Variants in EPHA5 observed in about 807,000 individuals in gnomAD.
EPHA5 encodes the protein ephrin type-A receptor 5.
In EPHA5, 60 loss-of-function variants were observed where a neutral mutation model predicts 105.0. The ratio of observed to expected loss-of-function variants is 0.57; its 90% confidence interval spans 0.46 to 0.71. The LOEUF is 0.71. EPHA5 is among the 30% of genes least tolerant of loss of function. The probability of loss-of-function intolerance (pLI) is 0.00; values close to 1 mark genes in which losing one functional copy is unlikely to be tolerated. For missense variants in EPHA5, 1,218 were observed against 1,274.7 expected (o/e 0.96, Z 0.68); for synonymous variants, 513 against 449.1 (o/e 1.14, Z -1.80).
intron 8 of EPHA5, among the ~76,000 whole-genome samples, chr4:65,390,062 T>G (rs1282412355): frequency 6.6e-6 from 1 of 152,052 alleles, no homozygotes; most frequent in East Asian, 1.9e-4. Flanking sequence ...GTACTCTATT[T>G]TTTATATATT....
intron 5 of EPHA5, among the ~76,000 whole-genome samples, chr4:65,432,800 T>C (rs1459238497): frequency 2.6e-5 from 4 of 151,732 alleles, no homozygotes; most frequent in Admixed American, 6.6e-5. Flanking sequence ...CTAGAGCAGG[T>C]TGTGTCTTAT....
At chr4:65,399,498 G>A (rs1721602605) in intron 8 of EPHA5, among the ~76,000 whole-genome samples, 2 of 152,188 alleles carry the variant, frequency 1.3e-5, no homozygotes, top group South Asian at 4.1e-4. Context: ...AGAGGCTTCT[G>A]CCTGGAAAAG....
At chr4:65,459,824 G>A (rs139604956) in intron 5 of EPHA5, among the ~76,000 whole-genome samples, 1 of 151,436 alleles carries the variant, frequency 6.6e-6, no homozygotes, top group Non-Finnish European at 1.5e-5. Flanking sequence ...TTTTATAAAG[G>A]AAATCTAAAA....
rs999554423 is a variant in EPHA5, at chr4:65,321,869, T to C, written c.*2245A>G. ...TCAGCCCTAAAGCATATGGTAATTTTCCTTTTGAATCAATAAGGCTTTCAT... is the reference window on the plus strand; with the variant it reads ...TCAGCCCTAAAGCATATGGTAATTTCCCTTTTGAATCAATAAGGCTTTCAT... On this transcript the variant is annotated 3_prime_UTR_variant, in exon 17 of 17. Coordinates refer to ENST00000613740, the MANE Select transcript of EPHA5 (RefSeq NM_001281766.3). 6.6e-5 allele frequency: 15 copies of C among 225,870 alleles called. No homozygotes were observed. Among genetic ancestry groups the C allele is most frequent in the African/African-American group, 2.9e-4 (13 of 44,954 alleles). 14.0% of individuals were successfully genotyped at this position (225,870 alleles called of 1,614,324 possible).
intron 14 of EPHA5, among the ~76,000 whole-genome samples, chr4:65,343,516 G>C (rs1351541741): frequency 1.3e-5 from 2 of 152,068 alleles, no homozygotes; most frequent in Admixed American, 6.5e-5. Flanking sequence ...CTGGAATGTA[G>C]AGATTATGGA....
intron 1 of EPHA5, among the ~76,000 whole-genome samples, chr4:65,656,131 TA>T (rs34038643): frequency 0.28 from 30,527 of 109,132 alleles, 3,646 homozygotes; most frequent in Non-Finnish European, 0.3. Context: ...TGCTGCTGCT[TA>T]AAAAAAAAAA....
intron 14 of EPHA5, among the ~76,000 whole-genome samples, chr4:65,341,508 A>G (rs1230688124): frequency 1.3e-5 from 2 of 151,534 alleles, no homozygotes; most frequent in African/African-American, 4.8e-5. Flanking sequence ...ATAAATATAC[A>G]TATGAATGCC....
Position 65,554,897 on chromosome 4 carries a change from TG to T in EPHA5, c.910+46743del, listed in dbSNP as rs1738257249. Among the ~76,000 whole-genome samples the T allele has an allele frequency of 2.0e-5, 3 of 149,196 alleles. No individual in the cohort carries two copies. In the South Asian group the frequency reaches 6.3e-4, roughly 31 times the overall value. On this transcript the variant is annotated intron_variant, in intron 3 of 16. Coordinates refer to ENST00000613740, the MANE Select transcript of EPHA5 (RefSeq NM_001281766.3). ...ATTCATAATCCATAAAATGTCTCTG[TG>T]CTACCACATAAGGTAATGTTTCAGA... is the stretch of plus-strand genomic sequence containing the variant.
chr4:65,456,982 G>T (rs1228793155), intron 5 of EPHA5, among the ~76,000 whole-genome samples: 1 of 151,910 alleles, frequency 6.6e-6, no homozygotes, highest in Non-Finnish European at 1.5e-5. Context: ...AAATATCATT[G>T]TTTTATTAGG....
At chr4:65,402,781 A>G (rs1721973039) in intron 8 of EPHA5, among the ~76,000 whole-genome samples, 1 of 152,208 alleles carries the variant, frequency 6.6e-6, no homozygotes, top group Non-Finnish European at 1.5e-5. Context: ...ACTTTGGGGT[A>G]GAAAAGACAC....
chr4:65,517,150 A>T (rs34750503), intron 3 of EPHA5, among the ~76,000 whole-genome samples: 21,716 of 151,858 alleles, frequency 0.14, 1,768 homozygotes, highest in Non-Finnish European at 0.18. Context: ...GACTTTTTAA[A>T]TGTACATATT....
At chr4:65,544,017 C>T (rs1327372955) in intron 3 of EPHA5, among the ~76,000 whole-genome samples, 1 of 152,014 alleles carries the variant, frequency 6.6e-6, no homozygotes, top group East Asian at 1.9e-4. Flanking sequence ...AACTAGCTAG[C>T]CGTATGCAGA....
intron 5 of EPHA5, among the ~76,000 whole-genome samples, chr4:65,487,032 C>A (rs1182479768): frequency 6.6e-6 from 1 of 152,172 alleles, no homozygotes; most frequent in African/African-American, 2.4e-5. Flanking sequence ...ATGTGAGATG[C>A]CTCACTCCTT....
At chr4:65,536,250 C>T (rs1227257256) in intron 3 of EPHA5, among the ~76,000 whole-genome samples, 1 of 151,900 alleles carries the variant, frequency 6.6e-6, no homozygotes, top group Non-Finnish European at 1.5e-5. Flanking sequence ...AAATAGATAG[C>T]AATTTATTAC....
chr4:65,448,246 G>T (rs920674802), intron 5 of EPHA5, among the ~76,000 whole-genome samples: 6 of 147,504 alleles, frequency 4.1e-5, no homozygotes, highest in African/African-American at 1.5e-4. Context: ...AAAAAGCAAA[G>T]AATAGTCAAA....
chr4:65,402,949 G>T (rs150056564), intron 8 of EPHA5, among the ~76,000 whole-genome samples: 1 of 152,162 alleles, frequency 6.6e-6, no homozygotes, highest in African/African-American at 2.4e-5. Flanking sequence ...GATGAAATCA[G>T]TGGGGCACTA....
intron 5 of EPHA5, among the ~76,000 whole-genome samples, chr4:65,440,044 C>A: frequency 6.6e-6 from 1 of 152,120 alleles, no homozygotes. Context: ...ATACTTGACA[C>A]TAATACTATG....
At chr4:65,338,072 A>G (rs528762055) in intron 14 of EPHA5, among the ~76,000 whole-genome samples, 4 of 152,210 alleles carry the variant, frequency 2.6e-5, no homozygotes, top group Admixed American at 2.0e-4. Context: ...TGAGAAATAA[A>G]ATAATAAAAC....
At chr4:65,480,868 TTAATAA>T (rs36050106) in intron 5 of EPHA5, among the ~76,000 whole-genome samples, 2 of 149,520 alleles carry the variant, frequency 1.3e-5, no homozygotes, top group African/African-American at 4.9e-5. Context: ...AATACAAACA[TTAATAA>T]TAATAATAAT....
Sources: gnomAD v4.1 joint callset for allele counts (sites outside exome capture counted in the v4.1 genomes callset) on GRCh38, gnomAD v4.1.1 for gene constraint, MANE v1.5 for transcripts, NCBI Gene and HGNC (gene_info 2026-07-23, HGNC 2026-07-21) for gene names.